ERICH3: variants seen among roughly 807,000 people sequenced by gnomAD.
ERICH3 encodes the protein glutamate-rich protein 3.
Under a neutral mutation model 131.1 loss-of-function variants are expected in ERICH3, and 126 were observed. The observed-to-expected ratio is 0.96, with a 90% confidence interval of 0.83 to 1.11. The LOEUF (loss-of-function observed/expected upper bound fraction) is 1.11, where lower values mean the gene tolerates loss of function less well. ERICH3 is among the 50% of genes most tolerant of loss of function. The probability of loss-of-function intolerance (pLI) is 0.00; values close to 1 mark genes in which losing one functional copy is unlikely to be tolerated. For missense variants in ERICH3, 2,050 were observed against 1,810.7 expected, an observed-to-expected ratio of 1.13 and a Z score of -2.40; for synonymous variants, 695 against 644.6, an observed-to-expected ratio of 1.08 and a Z score of -1.18.
rs185125586 is a variant in ERICH3 at position 74,640,138 on chromosome 1, G to C, written c.444+1193C>G. On this transcript the variant is annotated intron_variant, in intron 5 of 14. Coordinates refer to ENST00000326665, the MANE Select transcript of ERICH3 (RefSeq NM_001002912.5). ...CTGGATGTATCATAAACTATTTATT[G>C]AGGGTGTTCAGCTGGAAAATTGAAA... Among the ~76,000 whole-genome samples, 98 of 152,226 alleles carry C rather than the reference G, an allele frequency of 6.4e-4. 1 individual carries two copies. The highest frequency in any genetic ancestry group is 2.3e-3 in the African/African-American group (95 of 41,564).
intron 9 of ERICH3, 131 bp from the exon 10 acceptor site, chr1:74,607,033 A>T: frequency 3.2e-6 from 2 of 630,020 alleles, no homozygotes; most frequent in Non-Finnish European, 4.9e-6. Context: ...TACAGTACAC[A>T]CTAATAAAAA....
At position 74,571,099 on chromosome 1, in the gene ERICH3, T is replaced by A. The variant is rs9326115; in HGVS notation, c.*18A>T. On this transcript the variant is annotated splice_region_variant and 3_prime_UTR_variant, in exon 14 of 15. Transcript: ENST00000326665. ...ACAAAGACATTACGCTTAAACTCAC[T>A]GTCTGCCAGCAAGTCTCCTAGACCT... 6.2e-7 allele frequency: 1 copy of A among 1,604,560 alleles called. No homozygotes were observed. The highest frequency in any genetic ancestry group is 8.5e-7 in the Non-Finnish European group (1 of 1,175,226).
rs372328125 is a variant in ERICH3, at chr1:74,573,576, TAC to T, written c.2219-87_2219-86del. ...ACTATAATCTTATATCACACTTATTTACAGTGTGAGATATTTATATGTGATAT... is the reference window on the plus strand; with the variant it reads ...ACTATAATCTTATATCACACTTATTTAGTGTGAGATATTTATATGTGATAT... On this transcript the variant is annotated intron_variant, in intron 13 of 14. Transcript: ENST00000326665. 762 of 1,343,570 alleles carry T rather than the reference TAC, an allele frequency of 5.7e-4. 4 individuals carry two copies. The African/African-American group carries it at 0.01, about 18-fold the overall frequency. 83.2% of individuals were successfully genotyped at this position (1,343,570 alleles called of 1,614,324 possible).
intron 11 of ERICH3, among the ~76,000 whole-genome samples, chr1:74,595,680 C>T (rs1221118769): frequency 6.6e-6 from 1 of 151,964 alleles, no homozygotes; most frequent in African/African-American, 2.4e-5. Flanking sequence ...TATGTAATGC[C>T]TTTGTTTTCT....
intron 13 of ERICH3, among the ~76,000 whole-genome samples, chr1:74,574,859 T>C (rs1557661260): frequency 6.6e-6 from 1 of 152,152 alleles, no homozygotes; most frequent in Non-Finnish European, 1.5e-5. Context: ...GAATAGAGGT[T>C]AGGGAGCTAG....
In ERICH3 at chr1:74,572,095, C is replaced by T. The variant is rs773486954; in HGVS notation, c.3615G>A (p.Lys1205=). 6.2e-7 allele frequency: 1 copy of T among 1,614,236 alleles called. No homozygotes were observed. Among genetic ancestry groups the T allele is most frequent in the South Asian group, 1.1e-5 (1 of 91,088 alleles). ...ELSSRENRAL[K]EGHRQDGEGA... ...CCTCTCCATCTTGGCGGTGCCCTTC[C>T]TTCAGGGCCCTATTCTCCCTGCTGG... The change falls in exon 14 of 15, where the codon AAG becomes AAA. Residue 1205 remains lysine, a synonymous_variant. Transcript: ENST00000326665.
intron 1 of ERICH3, among the ~76,000 whole-genome samples, chr1:74,662,580 C>T (rs930016141): frequency 6.6e-6 from 1 of 151,932 alleles, no homozygotes; most frequent in Admixed American, 6.6e-5. Context: ...AAGGAAAAAT[C>T]CTAATTTGGT....
intron 1 of ERICH3, among the ~76,000 whole-genome samples, chr1:74,651,692 C>G (rs530583535): frequency 6.6e-6 from 1 of 152,114 alleles, no homozygotes; most frequent in East Asian, 1.9e-4. Context: ...GTTTTTCAGG[C>G]TCAAGTTTTT....
At chr1:74,623,293 A>G (rs1250614958) in intron 7 of ERICH3, 1 of 151,146 alleles carries the variant, frequency 6.6e-6, no homozygotes, top group African/African-American at 2.5e-5. Flanking sequence ...GAGCTGATAA[A>G]GAAACAGCAA....
intron 13 of ERICH3, among the ~76,000 whole-genome samples, chr1:74,574,022 G>A (rs1354651604): frequency 7.7e-5 from 11 of 142,410 alleles, no homozygotes; most frequent in Admixed American, 7.3e-4. Context: ...GCAGGGTCTC[G>A]CTGTGTCACC....
intron 9 of ERICH3, among the ~76,000 whole-genome samples, chr1:74,608,993 A>T (rs2100591784): frequency 6.6e-6 from 1 of 151,888 alleles, no homozygotes; most frequent in Non-Finnish European, 1.5e-5. Flanking sequence ...GCTGAAGGGA[A>T]TTGGACAAAC....
At chr1:74,670,524 C>T (rs1646731634) in intron 1 of ERICH3, among the ~76,000 whole-genome samples, 2 of 152,316 alleles carry the variant, frequency 1.3e-5, no homozygotes, top group South Asian at 2.1e-4. Flanking sequence ...ATTTCATGAA[C>T]ATTTATCAGT....
At chr1:74,577,198 C>T (rs1038943039) in intron 12 of ERICH3, 6 of 327,522 alleles carry the variant, frequency 1.8e-5, no homozygotes, top group Non-Finnish European at 2.2e-5. Flanking sequence ...TGAAGCTCTC[C>T]TTAGGGCCTG....
At chr1:74,578,755 C>T (rs531357695) in intron 12 of ERICH3, among the ~76,000 whole-genome samples, 5 of 151,274 alleles carry the variant, frequency 3.3e-5, no homozygotes, top group African/African-American at 7.3e-5. Flanking sequence ...ACGGATATAA[C>T]GGATTTACTT....
Position 74,571,040 on chromosome 1 carries a change from G to A in ERICH3, c.*18+59C>T, listed in dbSNP as rs920228794. ...TAAAGGGACAAGCCAGCCCCAAGGG[G>A]AGGAGACCCACCGCAGGGCTGCTAT... On this transcript the variant is annotated intron_variant, in intron 14 of 14. Coordinates refer to ENST00000326665, the MANE Select transcript of ERICH3 (RefSeq NM_001002912.5). 1.4e-5 allele frequency: 21 copies of A among 1,539,546 alleles called. No homozygotes were observed. In the African/African-American group the frequency reaches 2.6e-4, roughly 19 times the overall value.
intron 6 of ERICH3, among the ~76,000 whole-genome samples, chr1:74,632,275 G>A (rs1297551507): frequency 1.3e-5 from 2 of 152,036 alleles, no homozygotes; most frequent in Non-Finnish European, 2.9e-5. Flanking sequence ...AGTCCAGTTA[G>A]CAATAGGAAA....
intron 12 of ERICH3, among the ~76,000 whole-genome samples, chr1:74,587,324 C>CA (rs11330631): frequency 0.065 from 3,391 of 51,904 alleles, 93 homozygotes; most frequent in African/African-American, 0.1. Context: ...GACTCCATCT[C>CA]AAAAAAAAAA....
intron 5 of ERICH3, among the ~76,000 whole-genome samples, chr1:74,639,646 T>C (rs1444455809): frequency 6.6e-6 from 1 of 152,142 alleles, no homozygotes; most frequent in Non-Finnish European, 1.5e-5. Flanking sequence ...TCAGTGTGGG[T>C]GAATGTTCCA....
Position 74,576,942 on chromosome 1 carries a change from TAAA to T in ERICH3, c.2177-9_2177-7del, listed in dbSNP as rs754818068. 3.6e-4 allele frequency: 498 copies of T among 1,367,260 alleles called. No homozygotes were observed. Among genetic ancestry groups the T allele is most frequent in the Admixed American group, 1.0e-3 (48 of 47,286 alleles). The allele number at this position is 1,367,260 out of a possible 1,614,324, so 84.7% of individuals were successfully genotyped here. A position where few individuals can be genotyped will look rare whatever the true frequency, so the allele number is the denominator to read the frequency against. On this transcript the variant is annotated splice_polypyrimidine_tract_variant and splice_region_variant and intron_variant, in intron 12 of 14. Coordinates refer to ENST00000326665, the MANE Select transcript of ERICH3 (RefSeq NM_001002912.5). ...TAATGGCAATGAATCCTTTCCTAGT[TAAA>T]AAAAAAAAAAAGAAAAAAAAGGTCA...
Sources: allele counts gnomAD v4.1 joint callset (sites outside exome capture counted in the v4.1 genomes callset), GRCh38; gene constraint gnomAD v4.1.1; transcripts MANE v1.5; gene names NCBI Gene and HGNC (gene_info 2026-07-23, HGNC 2026-07-21).